Variants in NR3C2 observed in about 807,000 individuals in gnomAD.
NR3C2 encodes the protein mineralocorticoid receptor.
Under a neutral mutation model 86.4 loss-of-function variants are expected in NR3C2, and 15 were observed. The observed-to-expected ratio is 0.17, with a 90% CI of 0.12 to 0.27. The LOEUF (loss-of-function observed/expected upper bound fraction) is 0.27, where lower values mean the gene tolerates loss of function less well. Ranked by LOEUF, NR3C2 falls within the 10% of genes least tolerant of loss-of-function variation. The pLI is 1.00. For synonymous variants in NR3C2, 458 were observed against 450.5 expected, an observed-to-expected ratio of 1.02 and a Z score of -0.21; for missense variants, 960 against 1,195.6, an observed-to-expected ratio of 0.80 and a Z score of 2.91.
chr4:148,309,757 A>G (rs1742816871), intron 2 of NR3C2, among the ~76,000 whole-genome samples: 1 of 152,204 alleles, frequency 6.6e-6, no homozygotes, highest in African/African-American at 2.4e-5. Context: ...AGACCTTGAA[A>G]GATTATGGGG....
intron 3 of NR3C2, among the ~76,000 whole-genome samples, chr4:148,237,186 C>A (rs527321053): frequency 6.6e-6 from 1 of 152,218 alleles, no homozygotes; most frequent in East Asian, 1.9e-4. Context: ...GGGAAAAAAT[C>A]AAATTCTAGG....
chr4:148,362,553 C>G (rs1184383932), intron 2 of NR3C2, among the ~76,000 whole-genome samples: 4 of 152,138 alleles, frequency 2.6e-5, no homozygotes, highest in Non-Finnish European at 5.9e-5. Context: ...TATTTCCATT[C>G]ACTTACGGAA....
chr4:148,087,250 A>C (rs1730856503), intron 8 of NR3C2, among the ~76,000 whole-genome samples: 1 of 152,094 alleles, frequency 6.6e-6, no homozygotes, highest in Non-Finnish European at 1.5e-5. Flanking sequence ...GAAATAAGAG[A>C]TGACACAAGT....
chr4:148,443,997 C>T, upstream of NR3C2: 1 of 985,052 alleles, frequency 1.0e-6, no homozygotes, highest in Non-Finnish European at 1.2e-6. Context: ...CTTGGAGCTG[C>T]CCCCGGCGTC....
At chr4:148,375,034 T>G (rs569149141) in intron 2 of NR3C2, among the ~76,000 whole-genome samples, 2 of 152,222 alleles carry the variant, frequency 1.3e-5, no homozygotes, top group Non-Finnish European at 2.9e-5. Flanking sequence ...TAAAATAATT[T>G]TAATGGTCAG....
chr4:148,109,194 C>T (rs1289524449), intron 8 of NR3C2, among the ~76,000 whole-genome samples: 2 of 152,110 alleles, frequency 1.3e-5, no homozygotes, highest in Admixed American at 1.3e-4. Context: ...GACTCCTGCC[C>T]AGCACAGCTC....
upstream of NR3C2, chr4:148,445,025 C>G (rs1211756229): frequency 2.0e-6 from 2 of 983,438 alleles, no homozygotes; most frequent in Non-Finnish European, 2.4e-6. Context: ...CACGCCCTCA[C>G]GAGCGGGAGG....
At chr4:148,273,042 AAAG>A (rs72655266) in intron 2 of NR3C2, among the ~76,000 whole-genome samples, 4 of 152,320 alleles carry the variant, frequency 2.6e-5, no homozygotes, top group Non-Finnish European at 4.4e-5. Context: ...CAGATGAGAA[AAAG>A]AAGGATAGTC....
chr4:148,121,072 T>A, intron 6 of NR3C2, among the ~76,000 whole-genome samples: 1 of 152,208 alleles, frequency 6.6e-6, no homozygotes, highest in East Asian at 1.9e-4. Flanking sequence ...ATAAACCTTT[T>A]GTAAGGCCCT....
intron 2 of NR3C2, among the ~76,000 whole-genome samples, chr4:148,337,297 A>C (rs914623879): frequency 2.0e-5 from 3 of 152,222 alleles, no homozygotes; most frequent in Non-Finnish European, 2.9e-5. Flanking sequence ...TACAATAAGG[A>C]TATCTTACTT....
chr4:148,366,976 ATGG>A (rs1746175982), intron 2 of NR3C2, among the ~76,000 whole-genome samples: 1 of 152,190 alleles, frequency 6.6e-6, no homozygotes, highest in Non-Finnish European at 1.5e-5. Context: ...CTTATTTTCC[ATGG>A]GGTATGCTAA....
chr4:148,444,823 G>A (rs1750508152), upstream of NR3C2: 1 of 984,910 alleles, frequency 1.0e-6, no homozygotes. Context: ...CCGGGGCTGC[G>A]CGTCCGCTCG....
chr4:148,258,468 G>A (rs890506891), intron 3 of NR3C2, among the ~76,000 whole-genome samples: 3 of 152,076 alleles, frequency 2.0e-5, no homozygotes, highest in Non-Finnish European at 2.9e-5. Context: ...TAAGGGAAAC[G>A]TCCTTCCCCA....
intron 8 of NR3C2, among the ~76,000 whole-genome samples, chr4:148,109,964 A>G (rs1731977678): frequency 6.6e-6 from 1 of 152,244 alleles, no homozygotes; most frequent in Non-Finnish European, 1.5e-5. Flanking sequence ...ATTCATTAGA[A>G]ATAAGCTTCT....
At chr4:148,104,129 T>C (rs1323200164) in intron 8 of NR3C2, among the ~76,000 whole-genome samples, 2 of 152,158 alleles carry the variant, frequency 1.3e-5, no homozygotes, top group East Asian at 1.9e-4. Flanking sequence ...TTATCTACTT[T>C]AGGAATTCAA....
In NR3C2 at chr4:148,435,464, T is replaced by C. The variant is rs746283030; in HGVS notation, c.1397A>G (p.Tyr466Cys). Residue 466 changes from tyrosine (Y) to cysteine (C), a missense_variant, in exon 2 of 9, where the codon TAT (tyrosine) becomes TGT (cysteine). This residue lies in a region of NR3C2 where 680 missense variants were observed against 719.0 expected (regional missense o/e 0.95). Transcript: ENST00000358102. The part of the protein sequence containing the change: ...SYFSFMDDKD[Y>C]YSLSGILGPP... The stretch of plus-strand genomic sequence containing the variant: ...TCCTAAAATTCCTGATAGGGAATAA[T>C]AGTCTTTATCATCCATAAAGGAAAA... The C allele has an allele frequency of 2.5e-6, 4 of 1,614,202 alleles. No homozygotes were observed. Among genetic ancestry groups the C allele is most frequent in the Non-Finnish European group, 3.4e-6 (4 of 1,180,036 alleles).
chr4:148,166,645 T>A (rs977766868), intron 4 of NR3C2, among the ~76,000 whole-genome samples: 1 of 152,174 alleles, frequency 6.6e-6, no homozygotes, highest in Non-Finnish European at 1.5e-5. Flanking sequence ...AAGAGAGGAT[T>A]TAAGAAAGTT....
chr4:148,205,577 A>G lies in NR3C2; in HGVS notation c.1898-10715T>C, dbSNP rs1442650320. Among the ~76,000 whole-genome samples the G allele has an allele frequency of 2.0e-5, 3 of 152,296 alleles. No homozygotes were observed. The East Asian group carries it at 5.8e-4, about 29-fold the overall frequency. ...TGCTTGCTCTTTTATTAATTCAACA[A>G]ATAATTATCGGGTGGCTATTACATG... On this transcript the variant is annotated intron_variant, in intron 3 of 8. Coordinates refer to ENST00000358102, the MANE Select transcript of NR3C2 (RefSeq NM_000901.5).
At chr4:148,221,260 A>G (rs1402866704) in intron 3 of NR3C2, among the ~76,000 whole-genome samples, 1 of 152,230 alleles carries the variant, frequency 6.6e-6, no homozygotes, top group African/African-American at 2.4e-5. Flanking sequence ...TCAATAATTT[A>G]TTTATGAATA....
Sources: allele counts gnomAD v4.1 joint callset (sites outside exome capture counted in the v4.1 genomes callset), GRCh38; gene constraint gnomAD v4.1.1; regional missense constraint gnomAD v4.1.1; transcripts MANE v1.5; gene names NCBI Gene and HGNC (gene_info 2026-07-23, HGNC 2026-07-21).